FOXP1: variants seen among roughly 807,000 people sequenced by gnomAD.
FOXP1 encodes the protein forkhead box P1.
FOXP1 carries 15 observed loss-of-function variants against 98.2 expected under a neutral mutation model. The ratio of observed to expected loss-of-function variants is 0.15; its 90% CI spans 0.10 to 0.24. The LOEUF (loss-of-function observed/expected upper bound fraction) is 0.24. FOXP1 is among the 10% of genes least tolerant of loss of function. The pLI, the probability that FOXP1 is intolerant of heterozygous loss-of-function variation, is 1.00. For missense variants in FOXP1, 633 were observed against 848.5 expected (o/e 0.75, Z 3.15); for synonymous variants, 371 against 314.5 (o/e 1.18, Z -1.90).
chr3:71,249,869 C>T lies in FOXP1; in HGVS notation c.-12+49951G>A, dbSNP rs778811599. On this transcript the variant is annotated intron_variant, in intron 5 of 20. Coordinates refer to ENST00000649528, the MANE Select transcript of FOXP1 (RefSeq NM_001349338.3). ...ATCAGTGTCAACCAGACTCCCCATG[C>T]AGCCCAGTGGATCCTCCCTTGCCTC... 3.3e-4 allele frequency among the ~76,000 whole-genome samples: 50 copies of T among 152,204 alleles called. 1 individual carries two copies. The highest frequency in any genetic ancestry group is 1.8e-4 in the Non-Finnish European group (12 of 68,036).
chr3:71,253,726 T>C (rs1282398061), intron 5 of FOXP1, among the ~76,000 whole-genome samples: 1 of 152,174 alleles, frequency 6.6e-6, no homozygotes, highest in Non-Finnish European at 1.5e-5. Flanking sequence ...CTTGGTGTTA[T>C]GGTAGATACA....
At chr3:71,274,867 A>T (rs1053981941) in intron 5 of FOXP1, among the ~76,000 whole-genome samples, 1 of 152,200 alleles carries the variant, frequency 6.6e-6, no homozygotes, top group African/African-American at 2.4e-5. Flanking sequence ...TCAGTATCTG[A>T]TCAATTGTAG....
chr3:70,965,184 A>G, intron 20 of FOXP1, among the ~76,000 whole-genome samples: 1 of 152,180 alleles, frequency 6.6e-6, no homozygotes, highest in East Asian at 1.9e-4. Context: ...CCTGGGAGAG[A>G]GGGTGTTATA....
At chr3:71,184,955 G>GCCTA (rs2062558866) in intron 6 of FOXP1, among the ~76,000 whole-genome samples, 1 of 152,124 alleles carries the variant, frequency 6.6e-6, no homozygotes, top group Non-Finnish European at 1.5e-5. Context: ...CACTTTGGGA[G>GCCTA]GCCAAGGCAG....
chr3:71,324,312 C>T (rs1010519092), intron 4 of FOXP1, among the ~76,000 whole-genome samples: 1 of 152,096 alleles, frequency 6.6e-6, no homozygotes, highest in African/African-American at 2.4e-5. Context: ...AAGACACATG[C>T]ACACGTATGT....
intron 5 of FOXP1, among the ~76,000 whole-genome samples, chr3:71,266,665 AG>A (rs2069699153): frequency 6.6e-6 from 1 of 152,194 alleles, no homozygotes; most frequent in Non-Finnish European, 1.5e-5. Context: ...TTGGGCTTCT[AG>A]TGAACCCACT....
At chr3:71,254,956 G>A (rs896918430) in intron 5 of FOXP1, among the ~76,000 whole-genome samples, 4 of 152,198 alleles carry the variant, frequency 2.6e-5, no homozygotes, top group Admixed American at 2.6e-4. Context: ...CTTGAACGGA[G>A]CTTTTTAAAA....
intron 1 of FOXP1, chr3:71,582,635 G>C (rs1188920521): frequency 1.0e-6 from 1 of 985,324 alleles, no homozygotes; most frequent in Non-Finnish European, 1.2e-6. Context: ...GAAAATGTGT[G>C]TGATGGTGGG....
At chr3:71,049,891 C>G (rs555330548) in intron 9 of FOXP1, among the ~76,000 whole-genome samples, 32 of 152,210 alleles carry the variant, frequency 2.1e-4, no homozygotes, top group African/African-American at 7.5e-4. Context: ...AGCATTGTTA[C>G]CCTGGGTCTC....
chr3:71,015,068 C>A (rs1052844636), intron 12 of FOXP1, among the ~76,000 whole-genome samples: 3 of 151,790 alleles, frequency 2.0e-5, no homozygotes, highest in African/African-American at 7.3e-5. Flanking sequence ...AGCACACCAA[C>A]ATGGCACATG....
chr3:71,263,545 G>A (rs1482408896), intron 5 of FOXP1, among the ~76,000 whole-genome samples: 3 of 152,098 alleles, frequency 2.0e-5, no homozygotes, highest in African/African-American at 7.2e-5. Context: ...GTGCAGGAGT[G>A]AACTCTGTTC....
At chr3:71,005,958 T>C (rs1194478609) in intron 12 of FOXP1, among the ~76,000 whole-genome samples, 1 of 152,100 alleles carries the variant, frequency 6.6e-6, no homozygotes, top group Non-Finnish European at 1.5e-5. Flanking sequence ...TCTGTAAGTA[T>C]GGGATTTCCT....
chr3:71,306,612 CTAGT>C (rs1318244270), intron 4 of FOXP1, among the ~76,000 whole-genome samples: 2 of 102,296 alleles, frequency 2.0e-5, no homozygotes, highest in African/African-American at 3.9e-5. Flanking sequence ...TCAAGCATAT[CTAGT>C]TAAAGAGAAT....
chr3:71,333,402 A>T (rs1181096800), intron 4 of FOXP1: 1 of 152,256 alleles, frequency 6.6e-6, no homozygotes, highest in African/African-American at 2.4e-5. Context: ...AGTGATAAAA[A>T]AAAAGGAACA....
chr3:71,225,474 G>T (rs1040820792), intron 5 of FOXP1, among the ~76,000 whole-genome samples: 1 of 152,134 alleles, frequency 6.6e-6, no homozygotes, highest in African/African-American at 2.4e-5. Flanking sequence ...ACATTTTAAC[G>T]TGAAGCTCTA....
In FOXP1 at chr3:71,450,401, C is replaced by T. The variant is rs937743392; in HGVS notation, c.-168+43025G>A. ...TCTTCATAACTTCACTGCAGAATGA[C>T]AAGCTCGTTGCCAGTGAATGCCACT... On this transcript the variant is annotated intron_variant, in intron 3 of 20. Coordinates refer to ENST00000649528, the MANE Select transcript of FOXP1 (RefSeq NM_001349338.3). Among the ~76,000 whole-genome samples, 12 of 152,200 alleles carry T rather than the reference C, an allele frequency of 7.9e-5. 1 individual carries two copies. The highest frequency in any genetic ancestry group is 2.9e-5 in the Non-Finnish European group (2 of 68,038).
intron 2 of FOXP1, among the ~76,000 whole-genome samples, chr3:71,495,526 G>A (rs138525893): frequency 3.4e-4 from 51 of 152,218 alleles, no homozygotes; most frequent in African/African-American, 1.2e-3. Flanking sequence ...TAACTTTTCG[G>A]TACTCTCTAA....
At chr3:71,256,476 C>T (rs771201794) in intron 5 of FOXP1, among the ~76,000 whole-genome samples, 11 of 152,140 alleles carry the variant, frequency 7.2e-5, no homozygotes, top group Admixed American at 3.3e-4. Context: ...CTCCACCTCT[C>T]GGGTTCACAC....
intron 5 of FOXP1, among the ~76,000 whole-genome samples, chr3:71,273,993 C>G (rs1219067101): frequency 1.3e-5 from 2 of 152,182 alleles, no homozygotes; most frequent in East Asian, 3.8e-4. Flanking sequence ...TGAAGAAGTC[C>G]TACTCCTCCC....
Sources: allele counts gnomAD v4.1 joint callset (sites outside exome capture counted in the v4.1 genomes callset), GRCh38; gene constraint gnomAD v4.1.1; transcripts MANE v1.5; gene names NCBI Gene and HGNC (gene_info 2026-07-23, HGNC 2026-07-21).